DPP6: variants seen among roughly 807,000 people sequenced by gnomAD.
The protein encoded by DPP6 is A-type potassium channel modulatory protein DPP6.
DPP6 carries 69 observed loss-of-function variants against 122.6 expected under a neutral mutation model. That is an observed-to-expected ratio of 0.56 (90% CI 0.46 to 0.69). The LOEUF is 0.69. Among genes scored for constraint, DPP6 ranks in the 30% least tolerant of loss-of-function variants. The probability of loss-of-function intolerance (pLI) is 0.00; values close to 1 mark genes in which losing one functional copy is unlikely to be tolerated. For synonymous variants in DPP6, 418 were observed against 433.1 expected (o/e 0.97, Z 0.43); for missense variants, 928 against 1,116.9 (o/e 0.83, Z 2.41).
chr7:153,836,559 G>A, the DPP6 span, among the ~76,000 whole-genome samples: 1 of 152,136 alleles, frequency 6.6e-6, no homozygotes, highest in Admixed American at 6.5e-5. Flanking sequence ...CTAGATCAAG[G>A]TGTTTTATTG....
At position 154,872,653 on chromosome 7, in the gene DPP6, A is replaced by G. The variant is rs1039494035; in HGVS notation, c.1843A>G (p.Thr615Ala). 3.1e-6 allele frequency: 5 copies of G among 1,602,422 alleles called. No individual in the cohort carries two copies. The highest frequency in any genetic ancestry group is 4.3e-6 in the Non-Finnish European group (5 of 1,174,778). The change falls in exon 19 of 26, where the codon ACC (threonine) becomes GCC (alanine). Residue 615 changes from threonine to alanine, a missense_variant. Thr to Ala is a moderately conservative substitution (Grantham distance 58, BLOSUM62 0). Transcript: ENST00000377770. Reference sequence around the variant, plus strand: ...GCCCATGCAGATACTGAAGCCAGCAACCTTCACCGACACCACCCACTACCC... The same window carrying G: ...GCCCATGCAGATACTGAAGCCAGCAGCCTTCACCGACACCACCCACTACCC... ...NLPMQILKPA[T>A]FTDTTHYPLL...
intron 17 of DPP6, among the ~76,000 whole-genome samples, chr7:154,859,864 T>C (rs1030359996): frequency 2.6e-5 from 4 of 152,276 alleles, no homozygotes; most frequent in South Asian, 2.1e-4. Flanking sequence ...GGAGTCGAAA[T>C]TGCGGTGTGG....
At chr7:154,748,024 A>G (rs571791816) in intron 8 of DPP6, among the ~76,000 whole-genome samples, 3 of 152,306 alleles carry the variant, frequency 2.0e-5, no homozygotes, top group African/African-American at 7.2e-5. Flanking sequence ...ATGTCTGAAT[A>G]ACATCAGTTT....
intron 16 of DPP6, among the ~76,000 whole-genome samples, chr7:154,828,371 G>A (rs897678261): frequency 6.6e-6 from 1 of 151,414 alleles, no homozygotes; most frequent in South Asian, 2.1e-4. Flanking sequence ...TGTGTGCCTG[G>A]CAAAGGAATT....
intron 1 of DPP6, among the ~76,000 whole-genome samples, chr7:154,020,740 T>C (rs2373667): frequency 2.6e-5 from 4 of 152,110 alleles, no homozygotes; most frequent in Non-Finnish European, 4.4e-5. Flanking sequence ...AGACCTGCTA[T>C]GTAACACATG....
intron 16 of DPP6, among the ~76,000 whole-genome samples, chr7:154,825,341 T>G (rs560613647): frequency 2.0e-4 from 31 of 152,356 alleles, no homozygotes; most frequent in Non-Finnish European, 4.1e-4. Context: ...ATTTTAAATC[T>G]ACCTGTACTG....
intron 2 of DPP6, among the ~76,000 whole-genome samples, chr7:154,463,760 G>A (rs1821541592): frequency 1.3e-5 from 2 of 151,944 alleles, no homozygotes; most frequent in African/African-American, 4.8e-5. Context: ...CCAGAGCTAG[G>A]ACCTGGAATG....
chr7:154,121,963 C>T (rs766250622), intron 1 of DPP6, among the ~76,000 whole-genome samples: 53 of 152,282 alleles, frequency 3.5e-4, no homozygotes, highest in Admixed American at 9.2e-4. Flanking sequence ...GACCTTTCAA[C>T]GGACTGACTA....
intron 1 of DPP6, among the ~76,000 whole-genome samples, chr7:154,036,954 A>G (rs570117113): frequency 9.8e-5 from 15 of 152,326 alleles, no homozygotes; most frequent in Middle Eastern, 6.8e-3. Flanking sequence ...CAACCGCAGT[A>G]GAAACTCTAT....
At chr7:154,252,155 C>T (rs1802387033) in intron 1 of DPP6, among the ~76,000 whole-genome samples, 1 of 152,130 alleles carries the variant, frequency 6.6e-6, no homozygotes, top group South Asian at 2.1e-4. Flanking sequence ...TATTCTATAA[C>T]AGGGTGAGCA....
chr7:154,129,005 A>G (rs536534609), intron 1 of DPP6, among the ~76,000 whole-genome samples: 12 of 152,132 alleles, frequency 7.9e-5, no homozygotes, highest in Non-Finnish European at 1.2e-4. Flanking sequence ...CATCTTCTCT[A>G]CCTTGTTGAG....
intron 3 of DPP6, among the ~76,000 whole-genome samples, chr7:154,496,423 A>G (rs1824744532): frequency 6.6e-6 from 1 of 152,242 alleles, no homozygotes; most frequent in African/African-American, 2.4e-5. Context: ...GATTTTTTTT[A>G]CTATGTGAGA....
the DPP6 span, among the ~76,000 whole-genome samples, chr7:153,764,888 T>C: frequency 2.0e-5 from 3 of 152,184 alleles, no homozygotes; most frequent in African/African-American, 7.2e-5. Flanking sequence ...CTGAGATTTT[T>C]CCAGGTGGGG....
intron 6 of DPP6, among the ~76,000 whole-genome samples, chr7:154,646,312 G>A (rs529250487): frequency 3.4e-4 from 52 of 152,270 alleles, no homozygotes; most frequent in Admixed American, 1.4e-3. Flanking sequence ...GGCTGTGTAA[G>A]AATGAATCAC....
At chr7:154,711,861 G>A (rs1382988759) in intron 7 of DPP6, among the ~76,000 whole-genome samples, 1 of 151,872 alleles carries the variant, frequency 6.6e-6, no homozygotes, top group Non-Finnish European at 1.5e-5. Context: ...ACCATTCTGG[G>A]AACATGCAGA....
At chr7:154,891,323 A>T (rs1806582481) in intron 25 of DPP6, 1 of 152,208 alleles carries the variant, frequency 6.6e-6, no homozygotes, top group Non-Finnish European at 1.5e-5. Context: ...GCATCACCGC[A>T]TTGGCAGTAG....
chr7:154,185,465 A>G (rs1798308289), intron 1 of DPP6, among the ~76,000 whole-genome samples: 1 of 152,198 alleles, frequency 6.6e-6, no homozygotes, highest in Non-Finnish European at 1.5e-5. Flanking sequence ...CTTAGGGTCT[A>G]GAAAGGAATG....
At chr7:153,889,635 A>G (rs1318893198) in intron 1 of DPP6, among the ~76,000 whole-genome samples, 1 of 152,202 alleles carries the variant, frequency 6.6e-6, no homozygotes, top group Non-Finnish European at 1.5e-5. Context: ...TTCAGAAAAT[A>G]AAGAATGAAA....
chr7:154,862,398 G>A (rs7792323), intron 17 of DPP6, among the ~76,000 whole-genome samples: 2,267 of 152,356 alleles, frequency 0.015, 60 homozygotes, highest in African/African-American at 0.052. Context: ...AGGGTTGCAC[G>A]CGTGAGCAGC....
Sources: allele counts gnomAD v4.1 joint callset (sites outside exome capture counted in the v4.1 genomes callset), GRCh38; gene constraint gnomAD v4.1.1; transcripts MANE v1.5; gene names NCBI Gene and HGNC (gene_info 2026-07-23, HGNC 2026-07-21).